DPP10: variants seen among roughly 807,000 people sequenced by gnomAD.
DPP10 encodes dipeptidyl peptidase like 10, also known as inactive dipeptidyl peptidase 10.
A neutral mutation model predicts 120.9 loss-of-function variants in DPP10; 33 were observed. The observed-to-expected ratio is 0.27, with a 90% CI of 0.21 to 0.37. The LOEUF (loss-of-function observed/expected upper bound fraction) is 0.37. Ranked by LOEUF, DPP10 falls within the 10% of genes least tolerant of loss-of-function variation. The pLI, the probability that DPP10 is intolerant of heterozygous loss-of-function variation, is 1.00. For missense variants in DPP10, 816 were observed against 942.8 expected, an observed-to-expected ratio of 0.87 and a Z score of 1.76; for synonymous variants, 337 against 326.1, an observed-to-expected ratio of 1.03 and a Z score of -0.36.
chr2:114,634,212 C>T (rs1243734714), intron 1 of DPP10, among the ~76,000 whole-genome samples: 3 of 151,784 alleles, frequency 2.0e-5, no homozygotes, highest in Non-Finnish European at 4.4e-5. Flanking sequence ...GTTTTATCAT[C>T]TGCTATCTTT....
At chr2:114,953,579 G>A (rs998004771) in intron 1 of DPP10, among the ~76,000 whole-genome samples, 2 of 151,956 alleles carry the variant, frequency 1.3e-5, no homozygotes, top group African/African-American at 2.4e-5. Context: ...TATTCTGAGC[G>A]AAGGTCTCCA....
chr2:115,805,018 T>C (rs1282371988), intron 19 of DPP10, among the ~76,000 whole-genome samples: 1 of 152,212 alleles, frequency 6.6e-6, no homozygotes, highest in African/African-American at 2.4e-5. Context: ...GTCTGTGCCC[T>C]GCCCCCAGAG....
intron 1 of DPP10, among the ~76,000 whole-genome samples, chr2:114,524,758 T>C (rs574462857): frequency 6.6e-6 from 1 of 152,322 alleles, no homozygotes; most frequent in East Asian, 1.9e-4. Context: ...GGTGCCTTTA[T>C]GAAATAATCC....
chr2:114,879,833 C>T (rs895572920), intron 1 of DPP10, among the ~76,000 whole-genome samples: 12 of 152,098 alleles, frequency 7.9e-5, no homozygotes, highest in African/African-American at 2.9e-4. Flanking sequence ...GTTCCCTGTG[C>T]TGTCAATGAG....
intron 1 of DPP10, among the ~76,000 whole-genome samples, chr2:114,603,030 G>T (rs777091223): frequency 1.3e-5 from 2 of 152,024 alleles, no homozygotes; most frequent in Admixed American, 6.6e-5. Flanking sequence ...AAGACTACAT[G>T]CTAGACAGTC....
chr2:115,221,396 C>A (rs1000201870), intron 1 of DPP10, among the ~76,000 whole-genome samples: 1 of 152,114 alleles, frequency 6.6e-6, no homozygotes, highest in Admixed American at 6.6e-5. Flanking sequence ...TGCACTAAAG[C>A]AGGGTTCGGC....
intron 7 of DPP10, among the ~76,000 whole-genome samples, chr2:115,721,461 A>G (rs1215620425): frequency 6.6e-6 from 1 of 152,210 alleles, no homozygotes; most frequent in Non-Finnish European, 1.5e-5. Flanking sequence ...TTGGTACTTT[A>G]TTCATAAACA....
chr2:115,440,177 A>C (rs558905578), intron 3 of DPP10, among the ~76,000 whole-genome samples: 2 of 152,066 alleles, frequency 1.3e-5, no homozygotes, highest in Admixed American at 1.3e-4. Context: ...GTGTGAGTGC[A>C]TATGTAAATA....
intron 5 of DPP10, among the ~76,000 whole-genome samples, chr2:115,569,377 A>C (rs1251112013): frequency 6.6e-6 from 1 of 152,234 alleles, no homozygotes; most frequent in African/African-American, 2.4e-5. Flanking sequence ...TTTAATAAAA[A>C]AGGGCAAAAG....
At chr2:115,246,676 T>C (rs2058548114) in intron 1 of DPP10, among the ~76,000 whole-genome samples, 1 of 152,112 alleles carries the variant, frequency 6.6e-6, no homozygotes, top group Admixed American at 6.5e-5. Context: ...GGATTCAGTG[T>C]ATGGGACACA....
intron 1 of DPP10, among the ~76,000 whole-genome samples, chr2:114,777,888 C>A (rs577761815): frequency 6.6e-6 from 1 of 151,944 alleles, no homozygotes; most frequent in Non-Finnish European, 1.5e-5. Context: ...GACTCATATC[C>A]GCAATTTTAT....
intron 1 of DPP10, among the ~76,000 whole-genome samples, chr2:114,464,807 G>A (rs1679215780): frequency 6.6e-6 from 1 of 152,184 alleles, no homozygotes; most frequent in Admixed American, 6.5e-5. Context: ...AGAGATTGAC[G>A]TGAGCCGAGA....
chr2:115,345,325 TATA>T (rs1262277274), intron 3 of DPP10, among the ~76,000 whole-genome samples: 5 of 152,178 alleles, frequency 3.3e-5, no homozygotes, highest in Non-Finnish European at 5.9e-5. Flanking sequence ...ACATATACAC[TATA>T]ATGAGTGCTA....
At chr2:115,513,741 T>A (rs1306557919) in intron 4 of DPP10, among the ~76,000 whole-genome samples, 3 of 152,016 alleles carry the variant, frequency 2.0e-5, no homozygotes, top group Non-Finnish European at 4.4e-5. Flanking sequence ...CACGCTTTTA[T>A]AATAATTGTT....
At chr2:115,427,638 C>T (rs1185825713) in intron 3 of DPP10, among the ~76,000 whole-genome samples, 2 of 152,142 alleles carry the variant, frequency 1.3e-5, no homozygotes, top group African/African-American at 4.8e-5. Context: ...CCATTCAGTC[C>T]CCCTGGGCCT....
chr2:115,697,781 C>T (rs983211532), intron 7 of DPP10, among the ~76,000 whole-genome samples: 4 of 151,842 alleles, frequency 2.6e-5, no homozygotes, highest in Non-Finnish European at 1.5e-5. Flanking sequence ...GTCGGGAGAT[C>T]GAGACCATCC....
In DPP10 at chr2:115,736,179, A is replaced by C. The variant is rs114819059; in HGVS notation, c.698-3560A>C. Among the ~76,000 whole-genome samples the C allele has an allele frequency of 4.4e-3, 675 of 152,282 alleles. 7 individuals carry two copies. The highest frequency in any genetic ancestry group is 0.016 in the African/African-American group (650 of 41,562). ...CACCAACTTCAATATTATGGGAATA[A>C]GAAGCAAATTGTGTTCTGTGGGTTA... On this transcript the variant is annotated intron_variant, in intron 8 of 25. Coordinates refer to ENST00000410059, the MANE Select transcript of DPP10 (RefSeq NM_020868.6).
chr2:115,820,157 T>A (rs1033376806), intron 21 of DPP10, among the ~76,000 whole-genome samples: 1 of 152,212 alleles, frequency 6.6e-6, no homozygotes, highest in Non-Finnish European at 1.5e-5. Context: ...ATTATTTTTA[T>A]GTCAAATTGA....
intron 5 of DPP10, among the ~76,000 whole-genome samples, chr2:115,612,423 T>C (rs1479299524): frequency 2.6e-5 from 4 of 152,208 alleles, no homozygotes; most frequent in African/African-American, 4.8e-5. Context: ...TTTACAAATA[T>C]GGTTTGACTA....
Sources: allele counts gnomAD v4.1 joint callset (sites outside exome capture counted in the v4.1 genomes callset), GRCh38; gene constraint gnomAD v4.1.1; transcripts MANE v1.5; gene names NCBI Gene and HGNC (gene_info 2026-07-23, HGNC 2026-07-21).